Variants in PTPRN2 observed in about 807,000 individuals in gnomAD.
PTPRN2 encodes the protein protein tyrosine phosphatase receptor type N2.
In PTPRN2, 74 loss-of-function variants were observed where a neutral mutation model predicts 118.8. The observed-to-expected ratio is 0.62, with a 90% CI of 0.52 to 0.76. The LOEUF is 0.76. Ranked by LOEUF, PTPRN2 falls within the 30% of genes least tolerant of loss-of-function variation. PTPRN2 has a pLI of 0.00. For synonymous variants in PTPRN2, 641 were observed against 608.0 expected, an observed-to-expected ratio of 1.05 and a Z score of -0.80; for missense variants, 1,481 against 1,394.4, an observed-to-expected ratio of 1.06 and a Z score of -0.99.
At chr7:158,473,996 T>C (rs542086966) in intron 2 of PTPRN2, among the ~76,000 whole-genome samples, 1 of 152,070 alleles carries the variant, frequency 6.6e-6, no homozygotes, top group Non-Finnish European at 1.5e-5. Context: ...AAAATCCCTT[T>C]CTCCTACGTC....
intron 12 of PTPRN2, among the ~76,000 whole-genome samples, chr7:157,748,202 T>C (rs1801138772): frequency 6.7e-6 from 1 of 148,974 alleles, no homozygotes; most frequent in Non-Finnish European, 1.5e-5. Context: ...GTCCCTGAGC[T>C]GTGAGCTGTT....
intron 2 of PTPRN2, among the ~76,000 whole-genome samples, chr7:158,489,162 C>T (rs563905580): frequency 6.6e-6 from 1 of 152,370 alleles, no homozygotes; most frequent in Non-Finnish European, 1.5e-5. Flanking sequence ...GACGAAAAAC[C>T]TGGCCGGGCG....
chr7:157,767,901 A>G (rs150201273), intron 12 of PTPRN2, among the ~76,000 whole-genome samples: 1 of 152,306 alleles, frequency 6.6e-6, no homozygotes, highest in East Asian at 1.9e-4. Flanking sequence ...GGCAGGTAGG[A>G]CTTAGGAGGC....
rs537878965 is a variant in PTPRN2 at position 158,183,459 on chromosome 7, C to T, written c.549+8868G>A. ...TGGGTTATGGCCAAGGGAGTTTGTC[C>T]CCACTCAAGATTAGATTGCAAATTT... On this transcript the variant is annotated intron_variant, in intron 5 of 22. Coordinates refer to ENST00000389418, the MANE Select transcript of PTPRN2 (RefSeq NM_002847.5). 5.3e-5 allele frequency among the ~76,000 whole-genome samples: 8 copies of T among 152,242 alleles called. No individual in the cohort carries two copies. In the East Asian group the frequency reaches 1.6e-3, roughly 30 times the overall value.
chr7:157,726,401 C>G (rs1440746892), intron 12 of PTPRN2, among the ~76,000 whole-genome samples: 1 of 151,318 alleles, frequency 6.6e-6, no homozygotes, highest in Non-Finnish European at 1.5e-5. Context: ...GTGGCCAGAC[C>G]CTCGCCTCCC....
chr7:157,546,374 C>T (rs1325187348), intron 22 of PTPRN2, among the ~76,000 whole-genome samples: 1 of 152,196 alleles, frequency 6.6e-6, no homozygotes, highest in Non-Finnish European at 1.5e-5. Flanking sequence ...CCCATGAATC[C>T]ATCACCGAGG....
chr7:158,497,391 C>T (rs1365235612), intron 1 of PTPRN2, among the ~76,000 whole-genome samples: 1 of 151,110 alleles, frequency 6.6e-6, no homozygotes, highest in Non-Finnish European at 1.5e-5. Context: ...AGTAAGTCCT[C>T]CCCAATTCTG....
chr7:158,224,662 G>C (rs1254729485), intron 3 of PTPRN2, among the ~76,000 whole-genome samples: 1 of 152,140 alleles, frequency 6.6e-6, no homozygotes, highest in Non-Finnish European at 1.5e-5. Flanking sequence ...TTGGAAGCTA[G>C]AGCTAGGCAA....
At chr7:157,754,557 C>T (rs78070141) in intron 12 of PTPRN2, among the ~76,000 whole-genome samples, 22 of 152,238 alleles carry the variant, frequency 1.4e-4, no homozygotes, top group Non-Finnish European at 2.1e-4. Context: ...ACTGCACTCA[C>T]GGGACTCCCT....
intron 12 of PTPRN2, among the ~76,000 whole-genome samples, chr7:157,790,029 T>TGTGTGTGC (rs1804356752): frequency 1.0e-3 from 11 of 10,952 alleles, no homozygotes; most frequent in Non-Finnish European, 1.4e-3. Context: ...AATGTGTGTG[T>TGTGTGTGC]GGTGGGGGTG....
intron 12 of PTPRN2, among the ~76,000 whole-genome samples, chr7:157,781,346 C>T (rs138621696): frequency 3.9e-5 from 6 of 152,344 alleles, no homozygotes; most frequent in African/African-American, 7.2e-5. Context: ...ACAGTTAACC[C>T]TCCCTGTGCC....
intron 3 of PTPRN2, among the ~76,000 whole-genome samples, chr7:158,274,342 GGAGA>G (rs1798795024): frequency 9.2e-5 from 1 of 10,916 alleles, no homozygotes; most frequent in Non-Finnish European, 3.8e-4. Context: ...CGCAGACGCG[GGAGA>G]GCCACAGACA....
At chr7:158,146,511 G>A (rs1041194039) in intron 6 of PTPRN2, among the ~76,000 whole-genome samples, 1 of 152,036 alleles carries the variant, frequency 6.6e-6, no homozygotes, top group Admixed American at 6.6e-5. Context: ...CACGAGGTCA[G>A]GAGATCAAGA....
At chr7:158,402,817 G>A (rs1236982139) in intron 2 of PTPRN2, among the ~76,000 whole-genome samples, 1 of 152,128 alleles carries the variant, frequency 6.6e-6, no homozygotes, top group African/African-American at 2.4e-5. Context: ...GGGTGGTGGG[G>A]GCTCAACCCA....
At chr7:158,521,396 A>T (rs1280683828) in intron 1 of PTPRN2, among the ~76,000 whole-genome samples, 1 of 152,182 alleles carries the variant, frequency 6.6e-6, no homozygotes, top group Non-Finnish European at 1.5e-5. Flanking sequence ...TATTTCTGGA[A>T]ATTGTTTTTT....
At position 157,615,885 on chromosome 7, in the gene PTPRN2, A is replaced by C; in HGVS notation, c.2344+5477T>G. The C allele has an allele frequency of 6.0e-6, 2 of 333,350 alleles. No homozygotes were observed. Among genetic ancestry groups the C allele is most frequent in the East Asian group, 1.6e-4 (2 of 12,468 alleles). The allele number at this position is 333,350 out of a possible 1,614,324, so 20.6% of individuals were successfully genotyped here. A position where few individuals can be genotyped will look rare whatever the true frequency, so the allele number is the denominator to read the frequency against. On this transcript the variant is annotated intron_variant, in intron 15 of 22. Coordinates refer to ENST00000389418, the MANE Select transcript of PTPRN2 (RefSeq NM_002847.5). The surrounding 1 kb of genome is among the most constrained non-coding windows in gnomAD (Gnocchi z 4.3). Reference sequence around the variant, plus strand: ...CCTTAAGGAAAAGACTCTGGATGTTAGTGGGTTCGGCCTCAGAATCAGCCG... The same window carrying C: ...CCTTAAGGAAAAGACTCTGGATGTTCGTGGGTTCGGCCTCAGAATCAGCCG...
intron 11 of PTPRN2, among the ~76,000 whole-genome samples, chr7:157,947,426 C>T (rs1323292388): frequency 6.6e-6 from 1 of 152,108 alleles, no homozygotes; most frequent in Non-Finnish European, 1.5e-5. Flanking sequence ...CCTATTATTC[C>T]CCATTCCCCA....
chr7:158,142,409 G>T (rs1819475917), intron 6 of PTPRN2, among the ~76,000 whole-genome samples: 1 of 152,220 alleles, frequency 6.6e-6, no homozygotes, highest in African/African-American at 2.4e-5. Context: ...CCATGGCGTG[G>T]CCTGCCCCCT....
At chr7:157,680,587 G>T (rs151142261) in intron 13 of PTPRN2, among the ~76,000 whole-genome samples, 9 of 152,236 alleles carry the variant, frequency 5.9e-5, no homozygotes, top group African/African-American at 2.2e-4. Flanking sequence ...TCACTACTGC[G>T]TCCTGCTCCG....
Sources: allele counts gnomAD v4.1 joint callset (sites outside exome capture counted in the v4.1 genomes callset), GRCh38; gene constraint gnomAD v4.1.1; non-coding constraint Gnocchi (gnomAD v3.1); transcripts MANE v1.5; gene names NCBI Gene and HGNC (gene_info 2026-07-23, HGNC 2026-07-21).